DTNA: variants seen among roughly 807,000 people sequenced by gnomAD.
The protein encoded by DTNA is dystrophin-related protein 3.
In DTNA, 43 loss-of-function variants were observed where a neutral mutation model predicts 100.7. The ratio of observed to expected loss-of-function variants is 0.43; its 90% confidence interval spans 0.33 to 0.55. The LOEUF (loss-of-function observed/expected upper bound fraction) is 0.55, where lower values mean the gene tolerates loss of function less well. Ranked by LOEUF, DTNA falls within the 20% of genes least tolerant of loss-of-function variation. The probability of loss-of-function intolerance (pLI) is 0.04; values close to 1 mark genes in which losing one functional copy is unlikely to be tolerated. For synonymous variants in DTNA, 349 were observed against 347.9 expected, an observed-to-expected ratio of 1.00 and a Z score of -0.04; for missense variants, 798 against 953.9, an observed-to-expected ratio of 0.84 and a Z score of 2.15.
At chr18:34,804,552 G>A (rs1447622201) in intron 4 of DTNA, among the ~76,000 whole-genome samples, 1 of 152,168 alleles carries the variant, frequency 6.6e-6, no homozygotes, top group Non-Finnish European at 1.5e-5. Flanking sequence ...AGTAATTAAG[G>A]AAGAGCAAGA....
intron 20 of DTNA, among the ~76,000 whole-genome samples, chr18:34,880,273 T>G (rs2150380482): frequency 6.6e-6 from 1 of 152,348 alleles, no homozygotes; most frequent in South Asian, 2.1e-4. Flanking sequence ...TTTCACCCAG[T>G]TCTGGAGCTT....
At chr18:34,873,302 A>C (rs2096783269) in intron 17 of DTNA, among the ~76,000 whole-genome samples, 1 of 152,190 alleles carries the variant, frequency 6.6e-6, no homozygotes, top group Non-Finnish European at 1.5e-5. Context: ...ACTTCTTAAT[A>C]ACCACTCTGT....
chr18:34,882,817 A>G (rs1343832484), intron 21 of DTNA, among the ~76,000 whole-genome samples: 2 of 152,252 alleles, frequency 1.3e-5, no homozygotes, highest in African/African-American at 4.8e-5. Flanking sequence ...TTATTTTTAA[A>G]TGGATACAAA....
At chr18:34,741,066 C>A (rs373273353) in intron 1 of DTNA, among the ~76,000 whole-genome samples, 6 of 152,104 alleles carry the variant, frequency 3.9e-5, no homozygotes, top group Admixed American at 3.9e-4. Context: ...TCGTTCTCTG[C>A]GCAGGTCCAT....
intron 1 of DTNA, among the ~76,000 whole-genome samples, chr18:34,511,188 C>T (rs927890031): frequency 6.6e-6 from 1 of 151,946 alleles, no homozygotes; most frequent in Non-Finnish European, 1.5e-5. Context: ...CTGATCCCCA[C>T]GGAAAGAAAA....
chr18:34,660,944 A>C (rs2075097270), intron 1 of DTNA, among the ~76,000 whole-genome samples: 1 of 152,160 alleles, frequency 6.6e-6, no homozygotes. Flanking sequence ...CTTTGGGCAC[A>C]TGTTCTCAGG....
chr18:34,696,849 A>G (rs562432271), intron 1 of DTNA, among the ~76,000 whole-genome samples: 1 of 152,276 alleles, frequency 6.6e-6, no homozygotes, highest in Admixed American at 6.5e-5. Context: ...ATTATTAACC[A>G]CTATTTATTG....
chr18:34,848,275 T>G (rs2096415899), intron 13 of DTNA, 21 bp from the exon 14 acceptor site: 1 of 1,613,310 alleles, frequency 6.2e-7, no homozygotes. Flanking sequence ...AACGGTCTCC[T>G]TCTTGCTTTG....
intron 3 of DTNA, among the ~76,000 whole-genome samples, chr18:34,774,452 C>T (rs1383097336): frequency 6.6e-6 from 1 of 152,192 alleles, no homozygotes; most frequent in East Asian, 1.9e-4. Flanking sequence ...GAAAGTCACT[C>T]CTGATGTCAC....
At chr18:34,699,331 C>T (rs1488386980) in intron 1 of DTNA, among the ~76,000 whole-genome samples, 3 of 152,112 alleles carry the variant, frequency 2.0e-5, no homozygotes, top group Non-Finnish European at 4.4e-5. Flanking sequence ...AGTGCCCCAG[C>T]TCAAAGACCA....
intron 1 of DTNA, among the ~76,000 whole-genome samples, chr18:34,501,552 A>G (rs1360651638): frequency 6.6e-6 from 1 of 152,062 alleles, no homozygotes; most frequent in Admixed American, 6.6e-5. Context: ...TTTTCTTTAA[A>G]CTTTTGGTAG....
chr18:34,612,010 A>G (rs1460182066), intron 1 of DTNA, among the ~76,000 whole-genome samples: 5 of 152,120 alleles, frequency 3.3e-5, no homozygotes, highest in Admixed American at 6.5e-5. Flanking sequence ...CTGGCCTCCT[A>G]TGAGTGCATT....
chr18:34,724,401 G>C (rs1568324692), intron 1 of DTNA, among the ~76,000 whole-genome samples: 1 of 152,172 alleles, frequency 6.6e-6, no homozygotes, highest in Non-Finnish European at 1.5e-5. Flanking sequence ...GTAGAAGTGA[G>C]AATTACTACA....
At chr18:34,577,524 T>C (rs1568691792) in intron 1 of DTNA, among the ~76,000 whole-genome samples, 1 of 152,178 alleles carries the variant, frequency 6.6e-6, no homozygotes, top group Non-Finnish European at 1.5e-5. Flanking sequence ...TAGTAGTGAT[T>C]TGTGAGATTT....
In DTNA at chr18:34,577,122, A is replaced by G. The variant is rs977883051; in HGVS notation, c.-2+83608A>G. ...AATGATTATGCGTTTGTCTATTCTC[A>G]CTTTAATTTTGTTCATTTTAGCTGT... On this transcript the variant is annotated intron_variant, in intron 1 of 19. Coordinates refer to the DTNA transcript ENST00000283365. Among the ~76,000 whole-genome samples, 5 of 152,174 alleles carry G rather than the reference A, an allele frequency of 3.3e-5. No homozygotes were observed. In the South Asian group the frequency reaches 1.0e-3, roughly 32 times the overall value.
At chr18:34,677,695 A>G (rs1045659633) in intron 1 of DTNA, among the ~76,000 whole-genome samples, 2 of 152,100 alleles carry the variant, frequency 1.3e-5, no homozygotes, top group African/African-American at 4.8e-5. Context: ...TTTTTTTAAA[A>G]AAGCATGTAC....
At chr18:34,865,676 T>G (rs1404093704) in intron 17 of DTNA, among the ~76,000 whole-genome samples, 1 of 152,192 alleles carries the variant, frequency 6.6e-6, no homozygotes, top group Non-Finnish European at 1.5e-5. Context: ...TTTCCAAATA[T>G]ACCAAATGAA....
chr18:34,742,120 A>T (rs574282929), intron 1 of DTNA, among the ~76,000 whole-genome samples: 2 of 152,294 alleles, frequency 1.3e-5, no homozygotes, highest in South Asian at 4.2e-4. Context: ...ATGGCTAGGA[A>T]GCCTTAGGAG....
intron 4 of DTNA, among the ~76,000 whole-genome samples, chr18:34,799,882 G>A: frequency 6.6e-6 from 1 of 152,130 alleles, no homozygotes. Context: ...CTGTTCTGGA[G>A]AAACCCCTAG....
Sources: allele counts gnomAD v4.1 joint callset (sites outside exome capture counted in the v4.1 genomes callset), GRCh38; gene constraint gnomAD v4.1.1; transcripts MANE v1.5; gene names NCBI Gene and HGNC (gene_info 2026-07-23, HGNC 2026-07-21).